The following EPHB1 variants were observed in gnomAD, a reference collection of about 807,000 sequenced individuals.
EPHB1 encodes the protein EPH receptor B1, also known as ephrin type-B receptor 1.
EPHB1 carries 30 observed loss-of-function variants against 94.4 expected under a neutral mutation model. The observed-to-expected ratio is 0.32, with a 90% confidence interval of 0.24 to 0.43. The LOEUF is 0.43. Among genes scored for constraint, EPHB1 ranks in the 20% least tolerant of loss-of-function variants. EPHB1 has a pLI of 1.00. For missense variants in EPHB1, 1,055 were observed against 1,308.3 expected (o/e 0.81, Z 2.99); for synonymous variants, 522 against 489.1 (o/e 1.07, Z -0.89).
At chr3:135,225,517 A>G (rs1212846466) in intron 12 of EPHB1, among the ~76,000 whole-genome samples, 1 of 152,224 alleles carries the variant, frequency 6.6e-6, no homozygotes, top group Non-Finnish European at 1.5e-5. Context: ...CGAGGCTCGC[A>G]GTTCATTAGC....
chr3:134,924,378 G>T (rs905812194), intron 1 of EPHB1, among the ~76,000 whole-genome samples: 1 of 152,084 alleles, frequency 6.6e-6, no homozygotes, highest in Non-Finnish European at 1.5e-5. Flanking sequence ...AATATATAAA[G>T]ACCTCTCAAA....
intron 15 of EPHB1, among the ~76,000 whole-genome samples, chr3:135,251,142 A>G (rs1472765585): frequency 6.6e-6 from 1 of 152,138 alleles, no homozygotes; most frequent in African/African-American, 2.4e-5. Flanking sequence ...TGAACATCAG[A>G]ATACATTTCT....
At position 135,035,600 on chromosome 3, in the gene EPHB1, C is replaced by T. The variant is rs1236562148; in HGVS notation, c.806-70848C>T. Among the ~76,000 whole-genome samples the T allele has an allele frequency of 2.6e-5, 4 of 152,128 alleles. No homozygotes were observed. The East Asian group carries it at 7.7e-4, about 29-fold the overall frequency. On this transcript the variant is annotated intron_variant, in intron 3 of 15. Coordinates refer to ENST00000398015, the MANE Select transcript of EPHB1 (RefSeq NM_004441.5). ...GTGTTCTGTTTTGGGGCTTGGAATC[C>T]CACCAGGACCCTCCTGCTCATCAGC...
intron 3 of EPHB1, among the ~76,000 whole-genome samples, chr3:134,953,452 C>T (rs945586590): frequency 3.9e-5 from 6 of 152,236 alleles, no homozygotes; most frequent in Non-Finnish European, 8.8e-5. Flanking sequence ...GCATCAACGT[C>T]AACAGTTTTA....
At position 135,162,043 on chromosome 3, in the gene EPHB1, T is replaced by C. The variant is rs758704549; in HGVS notation, c.1448T>C (p.Met483Thr). 7 of 1,612,306 alleles carry C rather than the reference T, an allele frequency of 4.3e-6. No individual in the cohort carries two copies. The highest frequency in any genetic ancestry group is 5.9e-6 in the Non-Finnish European group (7 of 1,179,160). Residue 483 changes from methionine to threonine, a missense_variant, in exon 7 of 16, where the codon ATG becomes ACG. Transcript: ENST00000398015. The part of the protein sequence containing the change: ...EKEHNEFNSS[M>T]ARSQTNTARI... ...GAACACAATGAGTTCAACTCCTCCATGGCCAGGAGTCAGACCAACACAGCA... is the reference window on the plus strand; with the variant it reads ...GAACACAATGAGTTCAACTCCTCCACGGCCAGGAGTCAGACCAACACAGCA...
At chr3:135,173,957 C>G (rs565202865) in intron 9 of EPHB1, among the ~76,000 whole-genome samples, 1 of 152,232 alleles carries the variant, frequency 6.6e-6, no homozygotes, top group African/African-American at 2.4e-5. Context: ...TTCCCCACAT[C>G]TGACTGCTCA....
chr3:135,005,257 C>T (rs2107745488), intron 3 of EPHB1, among the ~76,000 whole-genome samples: 1 of 152,304 alleles, frequency 6.6e-6, no homozygotes, highest in East Asian at 1.9e-4. Context: ...GGGTGCCTCC[C>T]AGTTAGGCTG....
intron 4 of EPHB1, among the ~76,000 whole-genome samples, chr3:135,124,339 C>A (rs772685375): frequency 6.6e-6 from 1 of 151,748 alleles, no homozygotes; most frequent in Non-Finnish European, 1.5e-5. Context: ...ATCATCAGAG[C>A]CCTATGACTG....
intron 3 of EPHB1, among the ~76,000 whole-genome samples, chr3:134,975,017 C>G (rs1474792070): frequency 2.4e-5 from 3 of 124,936 alleles, no homozygotes; most frequent in African/African-American, 1.0e-4. Flanking sequence ...TTTTGATTCT[C>G]CTTGCTTCTC....
rs951539129 is a variant in EPHB1 at position 134,972,034 on chromosome 3, A to G, written c.805+19982A>G. On this transcript the variant is annotated intron_variant, in intron 3 of 15. Transcript: ENST00000398015. ...ATAATAATTCACAGAAAAGAAGCCCAAGCAGAGCTGGCTGAGATGTCTTCC... is the reference window on the plus strand; with the variant it reads ...ATAATAATTCACAGAAAAGAAGCCCGAGCAGAGCTGGCTGAGATGTCTTCC... 9.2e-5 allele frequency among the ~76,000 whole-genome samples: 14 copies of G among 152,300 alleles called. No homozygotes were observed. The East Asian group carries it at 2.3e-3, about 25-fold the overall frequency.
chr3:134,943,266 A>G (rs2039155188), intron 2 of EPHB1, among the ~76,000 whole-genome samples: 1 of 152,234 alleles, frequency 6.6e-6, no homozygotes, highest in Non-Finnish European at 1.5e-5. Flanking sequence ...GAAGGGCATC[A>G]GGGTCAGTCA....
intron 1 of EPHB1, among the ~76,000 whole-genome samples, chr3:134,907,020 G>A (rs777068330): frequency 6.6e-6 from 1 of 152,210 alleles, no homozygotes; most frequent in Admixed American, 6.5e-5. Flanking sequence ...TTTATAAAAG[G>A]CATATATCTG....
At chr3:135,072,379 A>G (rs534708096) in intron 3 of EPHB1, among the ~76,000 whole-genome samples, 1 of 152,266 alleles carries the variant, frequency 6.6e-6, no homozygotes, top group South Asian at 2.1e-4. Flanking sequence ...GTGAGACTCC[A>G]TCTCAAAAAC....
intron 13 of EPHB1, among the ~76,000 whole-genome samples, chr3:135,243,960 C>A (rs1290386571): frequency 1.3e-5 from 2 of 152,160 alleles, no homozygotes; most frequent in Non-Finnish European, 2.9e-5. Flanking sequence ...TGAGTTCCTC[C>A]ACTTCCCTCT....
At chr3:134,818,556 C>A (rs1400152118) in intron 1 of EPHB1, among the ~76,000 whole-genome samples, 1 of 152,160 alleles carries the variant, frequency 6.6e-6, no homozygotes, top group Non-Finnish European at 1.5e-5. Context: ...ACCCCAAAGT[C>A]CCCAAAATCC....
chr3:134,937,661 A>C (rs1247633808), intron 2 of EPHB1, among the ~76,000 whole-genome samples: 2 of 152,230 alleles, frequency 1.3e-5, no homozygotes, highest in Non-Finnish European at 2.9e-5. Context: ...AAATGCCATC[A>C]GTCTCTCCCA....
At chr3:135,080,806 G>A (rs1938138290) in intron 3 of EPHB1, among the ~76,000 whole-genome samples, 1 of 152,120 alleles carries the variant, frequency 6.6e-6, no homozygotes, top group Non-Finnish European at 1.5e-5. Flanking sequence ...TAGTCTAGTG[G>A]GAGAATCCAA....
At chr3:135,041,814 G>C (rs1460433311) in intron 3 of EPHB1, among the ~76,000 whole-genome samples, 1 of 152,132 alleles carries the variant, frequency 6.6e-6, no homozygotes, top group African/African-American at 2.4e-5. Context: ...GCCCACATCT[G>C]GGGAGGGCCT....
At chr3:134,928,683 G>A (rs1367408822) in intron 2 of EPHB1, among the ~76,000 whole-genome samples, 2 of 152,174 alleles carry the variant, frequency 1.3e-5, no homozygotes, top group African/African-American at 4.8e-5. Context: ...TAGGGGCAAT[G>A]GAATCAGAAG....
Sources: allele counts gnomAD v4.1 joint callset (sites outside exome capture counted in the v4.1 genomes callset), GRCh38; gene constraint gnomAD v4.1.1; transcripts MANE v1.5; gene names NCBI Gene and HGNC (gene_info 2026-07-23, HGNC 2026-07-21).